Variants in SYT16 observed in about 807,000 individuals in gnomAD.
SYT16 encodes the protein synaptotagmin-16.
SYT16 carries 42 observed loss-of-function variants against 61.4 expected under a neutral mutation model. The observed-to-expected ratio is 0.68, with a 90% confidence interval of 0.53 to 0.89. The LOEUF is 0.89. SYT16 is among the 40% of genes least tolerant of loss of function. The pLI, the probability that SYT16 is intolerant of heterozygous loss-of-function variation, is 0.00. For synonymous variants in SYT16, 314 were observed against 302.3 expected, an observed-to-expected ratio of 1.04 and a Z score of -0.40; for missense variants, 804 against 807.3, an observed-to-expected ratio of 1.00 and a Z score of 0.05.
intron 1 of SYT16, among the ~76,000 whole-genome samples, chr14:61,954,923 C>A: frequency 6.6e-6 from 1 of 152,052 alleles, no homozygotes; most frequent in East Asian, 1.9e-4. Flanking sequence ...CAAACAAAAT[C>A]TAAGGAAATT....
At chr14:61,832,029 G>A (rs1048732753) in intron 1 of SYT16, 8 of 690,012 alleles carry the variant, frequency 1.2e-5, no homozygotes, top group South Asian at 5.8e-5. Context: ...AATGAACGCC[G>A]TGAAGCCAAG....
At chr14:62,064,947 G>A (rs1170841984) in intron 3 of SYT16, among the ~76,000 whole-genome samples, 6 of 152,146 alleles carry the variant, frequency 3.9e-5, no homozygotes, top group Non-Finnish European at 7.3e-5. Context: ...GCAAGAGATC[G>A]CAAGTTTCAT....
At chr14:62,077,265 A>G (rs2056529488) in intron 5 of SYT16, among the ~76,000 whole-genome samples, 1 of 152,230 alleles carries the variant, frequency 6.6e-6, no homozygotes, top group African/African-American at 2.4e-5. Flanking sequence ...CTGGGTTTTG[A>G]CAATTTGACA....
chr14:61,982,791 G>A (rs1360469289), intron 2 of SYT16, among the ~76,000 whole-genome samples: 2 of 152,118 alleles, frequency 1.3e-5, no homozygotes, highest in Non-Finnish European at 2.9e-5. Context: ...GCAATTTTTT[G>A]TAAGTTTAAA....
chr14:61,946,403 C>T (rs1002219948), intron 1 of SYT16, among the ~76,000 whole-genome samples: 1 of 151,986 alleles, frequency 6.6e-6, no homozygotes, highest in African/African-American at 2.4e-5. Flanking sequence ...ATGTTGGAGA[C>T]TCCAAAAGGT....
chr14:61,880,938 G>T (rs966556303), intron 1 of SYT16, among the ~76,000 whole-genome samples: 1 of 151,668 alleles, frequency 6.6e-6, no homozygotes. Context: ...TTGACATGTA[G>T]CATACATACA....
chr14:62,010,808 T>C (rs2053417372), intron 3 of SYT16, among the ~76,000 whole-genome samples: 1 of 152,154 alleles, frequency 6.6e-6, no homozygotes, highest in Non-Finnish European at 1.5e-5. Context: ...TCAGAGCCTA[T>C]TTCAAAACCA....
In SYT16 at chr14:61,986,204, A is replaced by G. The variant is rs536793427; in HGVS notation, c.-144-9672A>G. Among the ~76,000 whole-genome samples the G allele has an allele frequency of 5.9e-5, 9 of 152,194 alleles. No individual in the cohort carries two copies. In the South Asian group the frequency reaches 1.9e-3, roughly 32 times the overall value. On this transcript the variant is annotated intron_variant, in intron 2 of 7. Coordinates refer to ENST00000683842, the MANE Select transcript of SYT16 (RefSeq NM_001367656.1). ...TAAGGTAAACAGACCCCTGATTATT[A>G]TTGTTATTTATTAAGTTGTTTAACC...
intron 1 of SYT16, among the ~76,000 whole-genome samples, chr14:61,872,427 A>G (rs534065373): frequency 1.3e-5 from 2 of 152,178 alleles, no homozygotes; most frequent in African/African-American, 4.8e-5. Context: ...TTCTCCCTTA[A>G]TATACCATCA....
chr14:62,097,771 C>T (rs1402515046), intron 7 of SYT16, among the ~76,000 whole-genome samples: 1 of 152,166 alleles, frequency 6.6e-6, no homozygotes, highest in South Asian at 2.1e-4. Flanking sequence ...ACTCTTATGG[C>T]AGGATAAAGC....
rs2048847128 is a variant in SYT16 at position 61,909,489 on chromosome 14, C to T, written c.-324-60643C>T. On this transcript the variant is annotated intron_variant, in intron 1 of 7. Coordinates refer to ENST00000683842, the MANE Select transcript of SYT16 (RefSeq NM_001367656.1). ...TTGTGATTACATAACTTCAGTCTCT[C>T]CCTCCATCTTCACATGGTGTTCCTC... Among the ~76,000 whole-genome samples the T allele has an allele frequency of 2.0e-5, 3 of 152,280 alleles. No homozygotes were observed. The South Asian group carries it at 6.2e-4, about 32-fold the overall frequency.
intron 1 of SYT16, among the ~76,000 whole-genome samples, chr14:61,923,884 A>G (rs1349547418): frequency 6.6e-6 from 1 of 152,244 alleles, no homozygotes; most frequent in Admixed American, 6.5e-5. Context: ...AAAAATGATT[A>G]TAAGACTACA....
intron 3 of SYT16, among the ~76,000 whole-genome samples, chr14:62,047,656 A>C (rs997664134): frequency 8.0e-6 from 1 of 124,350 alleles, no homozygotes; most frequent in Non-Finnish European, 1.5e-5. Flanking sequence ...CCCATCAATA[A>C]CTAATTTATT....
intron 1 of SYT16, among the ~76,000 whole-genome samples, chr14:61,862,536 G>A (rs896512812): frequency 1.3e-5 from 2 of 151,690 alleles, no homozygotes; most frequent in African/African-American, 4.8e-5. Flanking sequence ...TCCCACCCAT[G>A]CCCTGCCCCT....
intron 1 of SYT16, among the ~76,000 whole-genome samples, chr14:61,817,216 C>T (rs185086468): frequency 3.3e-5 from 5 of 149,658 alleles, no homozygotes; most frequent in Admixed American, 1.3e-4. Context: ...CAGGAGTTTG[C>T]GACCAGCCTG....
chr14:62,098,555 A>G (rs61993258), intron 7 of SYT16, among the ~76,000 whole-genome samples: 37,904 of 152,082 alleles, frequency 0.25, 4,892 homozygotes, highest in Middle Eastern at 0.31. Flanking sequence ...GAGGGGTTCT[A>G]CGATGAGGAG....
intron 1 of SYT16, among the ~76,000 whole-genome samples, chr14:61,888,156 ACT>A (rs1451932438): frequency 7.5e-6 from 1 of 132,784 alleles, no homozygotes; most frequent in Non-Finnish European, 1.5e-5. Flanking sequence ...ACGGAATCTC[ACT>A]CTGTCACCCA....
At chr14:62,048,442 G>T (rs1456141003) in intron 3 of SYT16, among the ~76,000 whole-genome samples, 1 of 151,968 alleles carries the variant, frequency 6.6e-6, no homozygotes, top group Non-Finnish European at 1.5e-5. Flanking sequence ...TGGATTCATT[G>T]ATTTTTTGAA....
At chr14:61,886,575 A>G (rs2047907698) in intron 1 of SYT16, among the ~76,000 whole-genome samples, 1 of 152,184 alleles carries the variant, frequency 6.6e-6, no homozygotes, top group Non-Finnish European at 1.5e-5. Context: ...TCATTCATTC[A>G]AGTTTGACCA....
Sources: gnomAD v4.1 joint callset for allele counts (sites outside exome capture counted in the v4.1 genomes callset) on GRCh38, gnomAD v4.1.1 for gene constraint, MANE v1.5 for transcripts, NCBI Gene and HGNC (gene_info 2026-07-23, HGNC 2026-07-21) for gene names.